MALRD1: variants seen among roughly 807,000 people sequenced by gnomAD.
MALRD1 encodes the protein MAM and LDL receptor class A domain containing 1, also known as MAM and LDL-receptor class A domain-containing protein 1.
Under a neutral mutation model 242.1 loss-of-function variants are expected in MALRD1, and 247 were observed. The ratio of observed to expected loss-of-function variants is 1.02; its 90% CI spans 0.92 to 1.13. MALRD1 has a LOEUF of 1.13. MALRD1 is among the 50% of genes most tolerant of loss of function. The pLI is 0.00. For synonymous variants in MALRD1, 995 were observed against 866.6 expected (o/e 1.15, Z -2.60); for missense variants, 2,989 against 2,533.1 (o/e 1.18, Z -3.86).
chr10:19,636,047 C>G (rs950935331), intron 36 of MALRD1, among the ~76,000 whole-genome samples: 2 of 151,922 alleles, frequency 1.3e-5, no homozygotes, highest in Admixed American at 6.6e-5. Flanking sequence ...ATTACAGACA[C>G]GCACCACCAC....
At chr10:19,138,481 C>G (rs2083418573) in intron 10 of MALRD1, among the ~76,000 whole-genome samples, 2 of 148,540 alleles carry the variant, frequency 1.3e-5, no homozygotes, top group Admixed American at 1.4e-4. Context: ...AGTGCAATGG[C>G]ATGATCTCGG....
At chr10:19,600,826 AT>A (rs1410673813) in intron 34 of MALRD1, among the ~76,000 whole-genome samples, 3 of 152,120 alleles carry the variant, frequency 2.0e-5, no homozygotes, top group Non-Finnish European at 4.4e-5. Flanking sequence ...TACTTAGCCT[AT>A]TTTGTTAAGA....
At chr10:19,308,738 A>C (rs538509874) in intron 21 of MALRD1, among the ~76,000 whole-genome samples, 20 of 151,674 alleles carry the variant, frequency 1.3e-4, no homozygotes, top group African/African-American at 3.9e-4. Flanking sequence ...TTGTGAGCCC[A>C]TTAGAGAAAA....
At chr10:19,203,223 G>A (rs1245339453) in intron 14 of MALRD1, among the ~76,000 whole-genome samples, 1 of 152,062 alleles carries the variant, frequency 6.6e-6, no homozygotes, top group East Asian at 1.9e-4. Context: ...ATTAGGCAAT[G>A]CATATAACAC....
chr10:19,613,605 T>C (rs888503077), intron 35 of MALRD1, among the ~76,000 whole-genome samples: 15 of 152,194 alleles, frequency 9.9e-5, no homozygotes, highest in African/African-American at 3.6e-4. Context: ...AACAAAAACC[T>C]CTTTAACGGG....
intron 38 of MALRD1, among the ~76,000 whole-genome samples, chr10:19,706,629 G>C (rs1833879214): frequency 6.6e-6 from 1 of 152,058 alleles, no homozygotes; most frequent in East Asian, 1.9e-4. Flanking sequence ...TAGGATTACA[G>C]GTATGAGCCA....
At chr10:19,309,232 T>A (rs1237217878) in intron 21 of MALRD1, among the ~76,000 whole-genome samples, 1 of 151,440 alleles carries the variant, frequency 6.6e-6, no homozygotes, top group Non-Finnish European at 1.5e-5. Flanking sequence ...GCAACCAGAG[T>A]AGAAACTTGG....
At chr10:19,350,960 T>C (rs915372235) in intron 25 of MALRD1, among the ~76,000 whole-genome samples, 4 of 152,164 alleles carry the variant, frequency 2.6e-5, no homozygotes, top group Non-Finnish European at 4.4e-5. Context: ...AGAGCTCATG[T>C]TGGGAAAGTT....
chr10:19,385,663 T>G (rs1846043549), intron 26 of MALRD1, among the ~76,000 whole-genome samples: 1 of 152,060 alleles, frequency 6.6e-6, no homozygotes, highest in South Asian at 2.1e-4. Context: ...TCTGTCAGTT[T>G]TATCTTTTCA....
intron 32 of MALRD1, among the ~76,000 whole-genome samples, chr10:19,536,540 C>T (rs1030101632): frequency 8.6e-5 from 13 of 151,908 alleles, no homozygotes; most frequent in Admixed American, 5.2e-4. Flanking sequence ...TTTCGTAGCC[C>T]TTGTAATCAG....
At chr10:19,633,797 T>C (rs1316436238) in intron 36 of MALRD1, 1 of 152,230 alleles carries the variant, frequency 6.6e-6, no homozygotes, top group Non-Finnish European at 1.5e-5. Context: ...ACATTCAGGA[T>C]AGTATGATTA....
chr10:19,067,058 A>G (rs1022392882), intron 2 of MALRD1, among the ~76,000 whole-genome samples, 199 bp downstream of exon 2: 4 of 152,174 alleles, frequency 2.6e-5, no homozygotes, highest in African/African-American at 9.7e-5. Flanking sequence ...CAGTTTCAAA[A>G]TATTTATGAT....
chr10:19,594,953 A>C (rs944994426), intron 33 of MALRD1, among the ~76,000 whole-genome samples: 18 of 152,284 alleles, frequency 1.2e-4, no homozygotes, highest in African/African-American at 4.3e-4. Flanking sequence ...TAATATAACC[A>C]AAAACCACCT....
chr10:19,095,169 G>T (rs956866425), intron 4 of MALRD1, among the ~76,000 whole-genome samples: 1 of 152,060 alleles, frequency 6.6e-6, no homozygotes, highest in East Asian at 1.9e-4. Flanking sequence ...TTTTACGTTC[G>T]ATTCTTTTGA....
intron 26 of MALRD1, among the ~76,000 whole-genome samples, chr10:19,354,492 T>C (rs1213575035): frequency 6.6e-6 from 1 of 152,136 alleles, no homozygotes; most frequent in African/African-American, 2.4e-5. Context: ...TGTATTTTTG[T>C]ACCCATTAAC....
chr10:19,585,576 A>G (rs1411104300), intron 33 of MALRD1, among the ~76,000 whole-genome samples: 3 of 151,934 alleles, frequency 2.0e-5, no homozygotes, highest in African/African-American at 7.3e-5. Context: ...TGGCTTGTAG[A>G]GTTTCTGCTG....
intron 29 of MALRD1, among the ~76,000 whole-genome samples, chr10:19,474,535 A>T (rs981940780): frequency 6.6e-6 from 1 of 152,146 alleles, no homozygotes; most frequent in East Asian, 1.9e-4. Flanking sequence ...GTCTTCTGCC[A>T]TCCTTTTCAT....
chr10:19,355,761 G>T (rs954689119), intron 26 of MALRD1, among the ~76,000 whole-genome samples: 1 of 148,528 alleles, frequency 6.7e-6, no homozygotes. Flanking sequence ...CTCAAGCTGC[G>T]AAATGATTCT....
At chr10:19,178,894 A>T (rs935751706) in intron 14 of MALRD1, among the ~76,000 whole-genome samples, 4 of 152,344 alleles carry the variant, frequency 2.6e-5, no homozygotes, top group Non-Finnish European at 4.4e-5. Flanking sequence ...CTCTGAACGT[A>T]AAGTGCACAC....
Sources: gnomAD v4.1 joint callset for allele counts (sites outside exome capture counted in the v4.1 genomes callset) on GRCh38, gnomAD v4.1.1 for gene constraint, MANE v1.5 for transcripts, NCBI Gene and HGNC (gene_info 2026-07-23, HGNC 2026-07-21) for gene names.